THBS2: variants seen among roughly 807,000 people sequenced by gnomAD.
The protein encoded by THBS2 is thrombospondin 2.
In THBS2, 47 loss-of-function variants were observed where a neutral mutation model predicts 135.2. The observed-to-expected ratio is 0.35, with a 90% CI of 0.28 to 0.44. The LOEUF is 0.44. Ranked by LOEUF, THBS2 falls within the 20% of genes least tolerant of loss-of-function variation. The pLI is 1.00. For synonymous variants in THBS2, 639 were observed against 633.8 expected, an observed-to-expected ratio of 1.01 and a Z score of -0.12; for missense variants, 1,288 against 1,603.1, an observed-to-expected ratio of 0.80 and a Z score of 3.36.
chr6:169,232,262 G>A (rs986616865), intron 12 of THBS2, 64 bp from the exon 13 acceptor site: 74 of 1,569,370 alleles, frequency 4.7e-5, no homozygotes, highest in Non-Finnish European at 5.8e-5. Context: ...GCGTCGAGGC[G>A]GGGCGTCGGG....
chr6:169,221,137 G>A (rs893315595), intron 20 of THBS2, among the ~76,000 whole-genome samples: 1 of 152,236 alleles, frequency 6.6e-6, no homozygotes. Context: ...CTGCAAAGAT[G>A]CAGTTATTTT....
chr6:169,242,374 T>C (rs1184775779), intron 4 of THBS2, among the ~76,000 whole-genome samples: 1 of 152,068 alleles, frequency 6.6e-6, no homozygotes, highest in East Asian at 1.9e-4. Flanking sequence ...AATCTGCTTC[T>C]TGAACACATC....
Position 169,217,738 on chromosome 6 carries a change from A to G in THBS2, c.*84T>C. On this transcript the variant is annotated 3_prime_UTR_variant, in exon 22 of 22. Coordinates refer to ENST00000617924, the MANE Select transcript of THBS2 (RefSeq NM_003247.5). ...AGGGACAGGAGGTGCTGCTAGAGAG[A>G]GAAGCCACAAGGACCACAATGAACT... 3 of 1,488,648 alleles carry G rather than the reference A, an allele frequency of 2.0e-6. No individual in the cohort carries two copies. 92.2% of individuals were successfully genotyped at this position (1,488,648 alleles called of 1,614,324 possible). A position where few individuals can be genotyped will look rare whatever the true frequency, so the allele number is the denominator to read the frequency against.
chr6:169,250,845 A>T, intron 1 of THBS2, 39 bp from the exon 2 acceptor site: 1 of 1,483,274 alleles, frequency 6.7e-7, no homozygotes, highest in Non-Finnish European at 9.3e-7. Flanking sequence ...ATGAGTCCAC[A>T]GCTGCAACCC....
chr6:169,227,499 T>C (rs1036703825), intron 15 of THBS2, among the ~76,000 whole-genome samples: 4 of 152,162 alleles, frequency 2.6e-5, no homozygotes, highest in African/African-American at 2.4e-5. Context: ...CTTGGAATTT[T>C]TGAATGAAGG....
intron 21 of THBS2, among the ~76,000 whole-genome samples, chr6:169,218,127 G>A (rs1475986050): frequency 1.4e-5 from 2 of 147,080 alleles, no homozygotes; most frequent in Non-Finnish European, 3.0e-5. Context: ...TGGGGTGGGT[G>A]GGTGGATGAG....
intron 1 of THBS2, 62 bp from the exon 2 acceptor site, chr6:169,250,868 A>G: frequency 8.6e-7 from 1 of 1,156,732 alleles, no homozygotes; most frequent in Non-Finnish European, 1.2e-6. Flanking sequence ...CCTGTGAGCG[A>G]GACTGGCCCA....
In THBS2 at chr6:169,241,996, G is replaced by A. The variant is rs758918592; in HGVS notation, c.695-38C>T. On this transcript the variant is annotated intron_variant, in intron 4 of 21. Transcript: ENST00000617924. This position sits in a 1 kb window ranked among gnomAD's most constrained non-coding sequence, Gnocchi z 5.5. ...GTAGAAGGGCCGTGAGCATCACAGA[G>A]GACGGGGCCAGCAGCAGGGGCTGGG... is the stretch of plus-strand genomic sequence containing the variant. The A allele has an allele frequency of 9.5e-6, 15 of 1,573,030 alleles. No homozygotes were observed. In the African/African-American group the frequency reaches 2.0e-4, roughly 21 times the overall value.
intron 19 of THBS2, 148 bp downstream of exon 19, chr6:169,222,049 A>C: frequency 1.0e-6 from 1 of 961,230 alleles, no homozygotes. Flanking sequence ...CAGTGTCTAT[A>C]ATAAAGTAAG....
chr6:169,248,831 C>T lies in THBS2; in HGVS notation c.195G>A (p.Pro65=), dbSNP rs774388245. 4.5e-5 allele frequency: 73 copies of T among 1,610,910 alleles called. No individual in the cohort carries two copies. In the Admixed American group the frequency reaches 1.1e-3, roughly 24 times the overall value. ...TCTTGCTGAGGTCATCTGCGTTCAC[C>T]GGTGGGATGTAGTCAAAGCGCACGA... The part of the protein sequence containing the change: ...YRFVRFDYIP[P]VNADDLSKIT... Residue 65 remains proline (P), a synonymous_variant, in exon 3 of 22, where the codon CCG becomes CCA. Transcript: ENST00000617924.
intron 6 of THBS2, 74 bp downstream of exon 6, chr6:169,240,378 T>C (rs1780245515): frequency 6.3e-7 from 1 of 1,578,670 alleles, no homozygotes; most frequent in African/African-American, 1.3e-5. Context: ...AACGCTGGCA[T>C]TTCCAGGCAG....
At chr6:169,231,775 C>T (rs1415382766) in intron 13 of THBS2, among the ~76,000 whole-genome samples, 11 of 152,176 alleles carry the variant, frequency 7.2e-5, no homozygotes, top group African/African-American at 2.4e-4. Context: ...CAGTGGGCGG[C>T]GCCAGAGTGT....
intron 7 of THBS2, among the ~76,000 whole-genome samples, chr6:169,238,149 T>C (rs906110249): frequency 1.3e-5 from 2 of 152,256 alleles, no homozygotes; most frequent in African/African-American, 4.8e-5. Flanking sequence ...CTTTTCTACA[T>C]GAGGTTTCAT....
intron 1 of THBS2, among the ~76,000 whole-genome samples, chr6:169,253,028 C>T (rs995724551): frequency 5.9e-5 from 9 of 152,176 alleles, no homozygotes; most frequent in Non-Finnish European, 7.3e-5. Context: ...AACCTGCCAG[C>T]TCGCTTTTCA....
At chr6:169,242,668 A>C (rs370509287) in intron 4 of THBS2, among the ~76,000 whole-genome samples, 3 of 10,376 alleles carry the variant, frequency 2.9e-4, no homozygotes, top group Admixed American at 9.7e-4. Context: ...CCTTCCCACC[A>C]CTCCCACCTT....
Position 169,248,818 on chromosome 6 carries a change from C to T in THBS2, c.208G>A (p.Asp70Asn), listed in dbSNP as rs1275647658. 1.2e-6 allele frequency: 2 copies of T among 1,610,902 alleles called. No homozygotes were observed. The highest frequency in any genetic ancestry group is 2.2e-5 in the South Asian group (2 of 91,078). ...ATGATCTTGGTGATCTTGCTGAGGT[C>T]ATCTGCGTTCACCGGTGGGATGTAG... ...FDYIPPVNADDLSKITKIMRQ... is the reference protein window; with the variant it reads ...FDYIPPVNADNLSKITKIMRQ... Residue 70 changes from aspartate to asparagine, a missense_variant, in exon 3 of 22, where the codon GAC becomes AAC. Physicochemically the swap from Asp to Asn is conservative, Grantham distance 23. This residue lies in a region of THBS2 where 414 missense variants were observed against 447.0 expected (regional missense o/e 0.93). Coordinates refer to ENST00000617924, the MANE Select transcript of THBS2 (RefSeq NM_003247.5).
chr6:169,249,286 G>C (rs994362936), intron 2 of THBS2, among the ~76,000 whole-genome samples: 1 of 152,130 alleles, frequency 6.6e-6, no homozygotes, highest in Admixed American at 6.5e-5. Flanking sequence ...CGCCCTGTCC[G>C]TTCAGCTGGC....
intron 21 of THBS2, among the ~76,000 whole-genome samples, chr6:169,218,225 T>C (rs1320616582): frequency 2.2e-5 from 1 of 45,370 alleles, no homozygotes; most frequent in African/African-American, 9.1e-5. Context: ...GATGATGAGA[T>C]GGTTGGGTGG....
rs1485327208 is a variant in THBS2, at chr6:169,253,822, G to A, written c.-121C>T. ...TGGAGCGAGAGACCGGCCCTGCAGT[G>A]CAGGATGCTCCGGTGGACGTGGCCG... On this transcript the variant is annotated 5_prime_UTR_variant, in exon 1 of 22. Coordinates refer to ENST00000617924, the MANE Select transcript of THBS2 (RefSeq NM_003247.5). The A allele has an allele frequency of 6.6e-6, 1 of 152,300 alleles. No homozygotes were observed. The highest frequency in any genetic ancestry group is 1.5e-5 in the Non-Finnish European group (1 of 68,076). 9.4% of individuals were successfully genotyped at this position (152,300 alleles called of 1,614,324 possible).
Sources: gnomAD v4.1 joint callset for allele counts (sites outside exome capture counted in the v4.1 genomes callset) on GRCh38, gnomAD v4.1.1 for gene constraint, gnomAD v4.1.1 regional missense constraint, Gnocchi (gnomAD v3.1) non-coding constraint, MANE v1.5 for transcripts, NCBI Gene and HGNC (gene_info 2026-07-23, HGNC 2026-07-21) for gene names.